AKAP19: variants seen among roughly 807,000 people sequenced by gnomAD.
The protein encoded by AKAP19 is small A-kinase anchoring protein.
chr2:189,884,819 T>A, the AKAP19 span, among the ~76,000 whole-genome samples: 3 of 152,180 alleles, frequency 2.0e-5, no homozygotes, highest in African/African-American at 7.2e-5. Context: ...AGTCTGATAT[T>A]CTGCATTTCC....
chr2:190,157,365 TATACACACAC>T, the AKAP19 span, among the ~76,000 whole-genome samples: 2 of 116,990 alleles, frequency 1.7e-5, no homozygotes, highest in African/African-American at 2.8e-5. Context: ...CCTAAACTTG[TATACACACAC>T]ACACACACAC....
At chr2:190,094,252 G>GT in the AKAP19 span, among the ~76,000 whole-genome samples, 6 of 152,096 alleles carry the variant, frequency 3.9e-5, no homozygotes, top group South Asian at 2.1e-4. Context: ...ATTTTTAAAG[G>GT]TTTTTTTAAA....
At chr2:190,185,930 T>C in the AKAP19 span, among the ~76,000 whole-genome samples, 1 of 152,194 alleles carries the variant, frequency 6.6e-6, no homozygotes, top group Non-Finnish European at 1.5e-5. Flanking sequence ...AGGGAAGTTC[T>C]AGATGCTTTA....
chr2:189,907,058 C>T, the AKAP19 span, among the ~76,000 whole-genome samples: 1 of 152,272 alleles, frequency 6.6e-6, no homozygotes, highest in South Asian at 2.1e-4. Flanking sequence ...TAATTGACCC[C>T]TTAATTCCAC....
chr2:190,119,637 T>C, the AKAP19 span, among the ~76,000 whole-genome samples: 1 of 152,010 alleles, frequency 6.6e-6, no homozygotes, highest in Non-Finnish European at 1.5e-5. Flanking sequence ...AGAGCCAGGG[T>C]TTTCATGCTA....
the AKAP19 span, among the ~76,000 whole-genome samples, chr2:190,177,912 T>G: frequency 6.6e-6 from 1 of 152,268 alleles, no homozygotes; most frequent in African/African-American, 2.4e-5. The surrounding 1 kb of genome is among the most constrained non-coding windows in gnomAD (Gnocchi z 4.6). Flanking sequence ...GCTGTTTTTA[T>G]GAGTTTTACT....
the AKAP19 span, among the ~76,000 whole-genome samples, chr2:190,107,797 T>A: frequency 6.6e-6 from 1 of 152,206 alleles, no homozygotes; most frequent in African/African-American, 2.4e-5. Context: ...ACAGATCGAA[T>A]AATATAATTT....
At chr2:190,050,629 C>A in the AKAP19 span, among the ~76,000 whole-genome samples, 1 of 152,164 alleles carries the variant, frequency 6.6e-6, no homozygotes, top group Non-Finnish European at 1.5e-5. Flanking sequence ...CAGGATTCTA[C>A]TTGTCAGATC....
chr2:189,961,898 C>T, the AKAP19 span, among the ~76,000 whole-genome samples: 14 of 149,036 alleles, frequency 9.4e-5, no homozygotes, highest in East Asian at 2.0e-4. Context: ...GGTGACAGAG[C>T]GAGACTCTGT....
chr2:190,115,806 C>T, the AKAP19 span, among the ~76,000 whole-genome samples: 2 of 152,140 alleles, frequency 1.3e-5, no homozygotes, highest in Non-Finnish European at 2.9e-5. Flanking sequence ...GGTCAGAGGC[C>T]TAATGGGCAC....
the AKAP19 span, among the ~76,000 whole-genome samples, chr2:189,952,889 A>G: frequency 1.3e-5 from 2 of 152,220 alleles, no homozygotes; most frequent in Non-Finnish European, 2.9e-5. Context: ...AGTTACTTTC[A>G]GTTACACTCA....
the AKAP19 span, among the ~76,000 whole-genome samples, chr2:189,947,711 G>A: frequency 6.6e-6 from 1 of 152,174 alleles, no homozygotes; most frequent in Non-Finnish European, 1.5e-5. Context: ...TATGGATTAT[G>A]TATGGATTAA....
the AKAP19 span, among the ~76,000 whole-genome samples, chr2:189,915,388 T>G: frequency 4.0e-4 from 61 of 152,274 alleles, no homozygotes; most frequent in African/African-American, 1.4e-3. Context: ...TAAATGACAT[T>G]CCTCTGTCAG....
chr2:190,175,632 A>G, the AKAP19 span, among the ~76,000 whole-genome samples: 95 of 152,332 alleles, frequency 6.2e-4, no homozygotes, highest in Non-Finnish European at 1.2e-3. Context: ...AGGAGTGAGA[A>G]GCTTGGAGGG....
At chr2:189,950,278 T>G in the AKAP19 span, among the ~76,000 whole-genome samples, 1 of 151,516 alleles carries the variant, frequency 6.6e-6, no homozygotes, top group Non-Finnish European at 1.5e-5. Flanking sequence ...TCCGCCTGCC[T>G]CAGCCTCCCA....
the AKAP19 span, chr2:189,930,921 A>G: frequency 4.2e-6 from 3 of 717,766 alleles, no homozygotes; most frequent in Non-Finnish European, 2.5e-6. Context: ...GATACGGCTT[A>G]GTTCCCTCGC....
the AKAP19 span, among the ~76,000 whole-genome samples, chr2:189,881,942 T>G: frequency 1.3e-5 from 2 of 152,208 alleles, no homozygotes; most frequent in Admixed American, 6.5e-5. Flanking sequence ...TTGTATACAG[T>G]GCAGCAAGAA....
the AKAP19 span, among the ~76,000 whole-genome samples, chr2:190,078,283 C>T: frequency 1.3e-5 from 2 of 152,176 alleles, no homozygotes; most frequent in Non-Finnish European, 2.9e-5. Flanking sequence ...GAATTATAGT[C>T]TTATGCTGCC....
At chr2:190,126,289 C>CAAAAATAAAAAAAAAAAAA in the AKAP19 span, among the ~76,000 whole-genome samples, 1 of 31,300 alleles carries the variant, frequency 3.2e-5, no homozygotes, top group Non-Finnish European at 6.1e-5. Context: ...GATTCCATCT[C>CAAAAATAAAAAAAAAAAAA]AAAAAAAAAA....
Sources: allele counts gnomAD v4.1 joint callset (sites outside exome capture counted in the v4.1 genomes callset), GRCh38; gene constraint gnomAD v4.1.1; non-coding constraint Gnocchi (gnomAD v3.1); transcripts MANE v1.5; gene names NCBI Gene and HGNC (gene_info 2026-07-23, HGNC 2026-07-21).